The following MCCC1 variants were observed in gnomAD, a reference collection of about 807,000 sequenced individuals.
The protein encoded by MCCC1 is methylcrotonyl-CoA carboxylase subunit 1.
A neutral mutation model predicts 83.8 loss-of-function variants in MCCC1; 64 were observed. That is an observed-to-expected ratio of 0.76 (90% CI 0.62 to 0.94). The LOEUF (loss-of-function observed/expected upper bound fraction) is 0.94. MCCC1 is among the 40% of genes least tolerant of loss of function. The probability of loss-of-function intolerance (pLI) is 0.00; values close to 1 mark genes in which losing one functional copy is unlikely to be tolerated. For missense variants in MCCC1, 807 were observed against 904.7 expected (o/e 0.89, Z 1.39); for synonymous variants, 322 against 315.4 (o/e 1.02, Z -0.22).
chr3:183,027,845 G>A (rs1712734065), intron 14 of MCCC1, among the ~76,000 whole-genome samples: 1 of 152,196 alleles, frequency 6.6e-6, no homozygotes, highest in African/African-American at 2.4e-5. Context: ...AATATTTGAA[G>A]CTAGCAGAGA....
At position 183,037,339 on chromosome 3, in the gene MCCC1, T is replaced by C; in HGVS notation, c.1473A>G (p.Gln491=). 1.2e-6 allele frequency: 2 copies of C among 1,614,100 alleles called. No homozygotes were observed. The highest frequency in any genetic ancestry group is 2.2e-5 in the South Asian group (2 of 91,076). The change falls in exon 13 of 19, where the codon CAA becomes CAG. Residue 491 remains glutamine (Q), a synonymous_variant. Coordinates refer to ENST00000265594, the MANE Select transcript of MCCC1 (RefSeq NM_020166.5). ...AGNVHTDFIP[Q]HHKQLLLSRK... ...GACTGAGCAACAACTGTTTGTGGTG[T>C]TGAGGGATGAAATCAGTGTGCACGT...
upstream of MCCC1, chr3:183,099,566 C>G (rs1157967819): frequency 8.8e-7 from 1 of 1,134,876 alleles, no homozygotes; most frequent in Non-Finnish European, 1.3e-6. Flanking sequence ...CTGAGCCTAC[C>G]TTTGGGCTGA....
At chr3:183,102,945 C>T (rs930220547), upstream of MCCC1, among the ~76,000 whole-genome samples, 1 of 151,542 alleles carries the variant, frequency 6.6e-6, no homozygotes, top group African/African-American at 2.4e-5. Flanking sequence ...CACTACTGCA[C>T]CTAGCTCATT....
rs1716056284 is a variant in MCCC1, at chr3:183,064,070, C to G, written c.762-6648G>C. Among the ~76,000 whole-genome samples the G allele has an allele frequency of 6.6e-6, 1 of 152,136 alleles. No individual in the cohort carries two copies. ...TCCTTCCTAAGATTTAGGGGCTCCTCTCAGTAAAATCCCTCTCGGCTAAGA... is the reference window on the plus strand; with the variant it reads ...TCCTTCCTAAGATTTAGGGGCTCCTGTCAGTAAAATCCCTCTCGGCTAAGA... On this transcript the variant is annotated intron_variant, in intron 7 of 18. Transcript: ENST00000265594. The surrounding 1 kb of genome is among the most constrained non-coding windows in gnomAD (Gnocchi z 4.5).
intron 1 of MCCC1, 89 bp downstream of exon 1, chr3:183,099,263 T>TGGGTTCC: frequency 6.8e-7 from 1 of 1,465,642 alleles, no homozygotes; most frequent in Non-Finnish European, 9.2e-7. Flanking sequence ...ACACCGACCC[T>TGGGTTCC]GGGTTCCGCC....
At chr3:183,060,885 T>A (rs1451613745) in intron 7 of MCCC1, among the ~76,000 whole-genome samples, 1 of 152,170 alleles carries the variant, frequency 6.6e-6, no homozygotes, top group Non-Finnish European at 1.5e-5. Context: ...TTTATCCATG[T>A]CCCTACAAAG....
At chr3:183,026,484 T>A (rs969239381) in intron 14 of MCCC1, among the ~76,000 whole-genome samples, 4 of 151,106 alleles carry the variant, frequency 2.6e-5, no homozygotes, top group African/African-American at 9.7e-5. Flanking sequence ...GGCAGAGGAG[T>A]GGGGATCACG....
At chr3:183,023,013 T>C (rs73883999) in intron 15 of MCCC1, among the ~76,000 whole-genome samples, 4,039 of 152,340 alleles carry the variant, frequency 0.027, 159 homozygotes, top group East Asian at 0.096. Flanking sequence ...AATTAGATGA[T>C]ATTCTTTTAT....
At chr3:183,061,252 G>GA (rs1437414394) in intron 7 of MCCC1, among the ~76,000 whole-genome samples, 1 of 151,826 alleles carries the variant, frequency 6.6e-6, no homozygotes, top group Non-Finnish European at 1.5e-5. Context: ...TTTCTAAGTT[G>GA]TTTTTTTTCC....
intron 7 of MCCC1, among the ~76,000 whole-genome samples, chr3:183,063,318 T>C (rs184969336): frequency 7.3e-6 from 1 of 137,876 alleles, no homozygotes; most frequent in African/African-American, 2.7e-5. Flanking sequence ...ATATGTATTA[T>C]ATATGAACTG....
At chr3:183,049,440 G>A (rs567351234) in intron 9 of MCCC1, among the ~76,000 whole-genome samples, 21 of 151,798 alleles carry the variant, frequency 1.4e-4, no homozygotes, top group African/African-American at 3.9e-4. Flanking sequence ...GTGTAGTGGC[G>A]TGCACCTGTA....
intron 7 of MCCC1, among the ~76,000 whole-genome samples, chr3:183,061,252 GT>G (rs888953094): frequency 1.3e-3 from 196 of 151,942 alleles, no homozygotes; most frequent in African/African-American, 3.9e-3. Context: ...TTTCTAAGTT[GT>G]TTTTTTTCCC....
chr3:183,089,277 T>C (rs554379999), intron 3 of MCCC1, among the ~76,000 whole-genome samples: 19 of 152,016 alleles, frequency 1.2e-4, no homozygotes, highest in Non-Finnish European at 2.2e-4. Flanking sequence ...AAGCAGAAAA[T>C]AGATTGTTGG....
intron 11 of MCCC1, among the ~76,000 whole-genome samples, chr3:183,041,076 G>A (rs1481726190): frequency 6.6e-6 from 1 of 152,216 alleles, no homozygotes; most frequent in Admixed American, 6.5e-5. Context: ...CTGTAAGTAG[G>A]AAGTCCTAAA....
intron 4 of MCCC1, among the ~76,000 whole-genome samples, chr3:183,075,173 C>A (rs570942346): frequency 6.6e-6 from 1 of 152,304 alleles, no homozygotes; most frequent in East Asian, 1.9e-4. Context: ...ATGCAATGAA[C>A]ATACATGCAC....
At chr3:183,025,463 T>C (rs1391410558) in intron 15 of MCCC1, among the ~76,000 whole-genome samples, 1 of 152,222 alleles carries the variant, frequency 6.6e-6, no homozygotes, top group Non-Finnish European at 1.5e-5. Context: ...CTGCTTTTGC[T>C]GTAAATACAG....
intron 4 of MCCC1, among the ~76,000 whole-genome samples, chr3:183,080,029 C>A (rs1213746185): frequency 6.6e-6 from 1 of 152,196 alleles, no homozygotes; most frequent in African/African-American, 2.4e-5. Context: ...GCCTGGCCCA[C>A]AAAACCATTT....
Position 183,094,554 on chromosome 3 carries a change from A to G in MCCC1, c.136+5T>C. 6.2e-7 allele frequency: 1 copy of G among 1,614,026 alleles called. No homozygotes were observed. On this transcript the variant is annotated splice_donor_5th_base_variant and intron_variant, in intron 2 of 18. Transcript: ENST00000265594. The stretch of plus-strand genomic sequence containing the variant: ...ATCAAATAGAACAACAAAGTCTGTC[A>G]GTACCTGTGGCTGTTGTGTACTTCA...
chr3:183,071,034 A>G lies in MCCC1; in HGVS notation c.726T>C (p.Asp242=), dbSNP rs36206712. The change falls in exon 7 of 19, where the codon GAT becomes GAC. Residue 242 remains aspartate, a synonymous_variant. Coordinates refer to ENST00000265594, the MANE Select transcript of MCCC1 (RefSeq NM_020166.5). ...RREAKKSFND[D]AMLIEKFVDT... is the part of the protein sequence containing the mutation. ...CTACAAACTTCTCGATCAGCATAGC[A>G]TCATCATTGAAAGACTTCTTAGCTT... The G allele has an allele frequency of 7.8e-4, 1,252 of 1,614,212 alleles. 7 individuals carry two copies. In the African/African-American group the frequency reaches 0.015, roughly 19 times the overall value.
Sources: gnomAD v4.1 joint callset for allele counts (sites outside exome capture counted in the v4.1 genomes callset) on GRCh38, gnomAD v4.1.1 for gene constraint, Gnocchi (gnomAD v3.1) non-coding constraint, MANE v1.5 for transcripts, NCBI Gene and HGNC (gene_info 2026-07-23, HGNC 2026-07-21) for gene names.